DIRAS1: variants seen among roughly 807,000 people sequenced by gnomAD.
DIRAS1 encodes DIRAS family GTPase 1.
A neutral mutation model predicts 11.5 loss-of-function variants in DIRAS1; 3 were observed. The ratio of observed to expected loss-of-function variants is 0.26; its 90% CI spans 0.12 to 0.67. The LOEUF (loss-of-function observed/expected upper bound fraction) is 0.67. Ranked by LOEUF, DIRAS1 falls within the 30% of genes least tolerant of loss-of-function variation. DIRAS1 has a pLI of 0.80. For missense variants in DIRAS1, 212 were observed against 285.3 expected (o/e 0.74, Z 1.85); for synonymous variants, 128 against 125.8 (o/e 1.02, Z -0.12).
intron 1 of DIRAS1, among the ~76,000 whole-genome samples, chr19:2,719,730 A>G (rs1423927019): frequency 6.6e-6 from 1 of 152,028 alleles, no homozygotes; most frequent in Non-Finnish European, 1.5e-5. Context: ...TTTGAACCTA[A>G]ACAGGCAAAT....
chr19:2,719,226 C>G (rs1486911856), intron 1 of DIRAS1: 1 of 152,154 alleles, frequency 6.6e-6, no homozygotes, highest in Non-Finnish European at 1.5e-5. Context: ...TTCCCAATAG[C>G]CGCCCCAGGG....
In DIRAS1 at chr19:2,717,078, T is replaced by C; in HGVS notation, c.*132A>G. On this transcript the variant is annotated 3_prime_UTR_variant, in exon 2 of 2. Transcript: ENST00000323469. ...GCAGGGGCAGCGGAGGGGGGGGCGGTGGCCTCGGTTTCCCCAGCCGAGGTG... is the reference window on the plus strand; with the variant it reads ...GCAGGGGCAGCGGAGGGGGGGGCGGCGGCCTCGGTTTCCCCAGCCGAGGTG... 2 of 914,722 alleles carry C rather than the reference T, an allele frequency of 2.2e-6. No individual in the cohort carries two copies. The highest frequency in any genetic ancestry group is 2.8e-5 in the East Asian group (1 of 35,782). The allele number at this position is 914,722 out of a possible 1,614,324, so 56.7% of individuals were successfully genotyped here. A position where few individuals can be genotyped will look rare whatever the true frequency, so the allele number is the denominator to read the frequency against.
At chr19:2,717,926 C>G in intron 1 of DIRAS1, 51 bp from the exon 2 acceptor site, 2 of 1,040,776 alleles carry the variant, frequency 1.9e-6, no homozygotes, top group South Asian at 3.2e-5. Flanking sequence ...CTTGAGGGGA[C>G]AGCCCCACGC....
Position 2,717,814 on chromosome 19 carries a change from GC to G in DIRAS1, c.-9del. 2 of 1,585,676 alleles carry G rather than the reference GC, an allele frequency of 1.3e-6. No individual in the cohort carries two copies. Among genetic ancestry groups the G allele is most frequent in the South Asian group, 2.2e-5 (2 of 90,304 alleles). On this transcript the variant is annotated 5_prime_UTR_variant, in exon 2 of 2. Coordinates refer to ENST00000323469, the MANE Select transcript of DIRAS1 (RefSeq NM_145173.4). Reference sequence around the variant, plus strand: ...GTTACTCTGTTCCGGCATCTTCCCCGCGGCGGGTGGGCGGCCGGGGCCGGGA... The same window carrying G: ...GTTACTCTGTTCCGGCATCTTCCCCGGGCGGGTGGGCGGCCGGGGCCGGGA...
At position 2,718,422 on chromosome 19, in the gene DIRAS1, G is replaced by A. The variant is rs1017098706; in HGVS notation, c.-69-547C>T. Among the ~76,000 whole-genome samples, 3 of 152,244 alleles carry A rather than the reference G, an allele frequency of 2.0e-5. No individual in the cohort carries two copies. The highest frequency in any genetic ancestry group is 4.4e-5 in the Non-Finnish European group (3 of 68,040). Reference sequence around the variant, plus strand: ...CCAATCCTCATGGAAGCCGCACATGGTCGGGTGTTTAAGATGCATATGTCA... The same window carrying A: ...CCAATCCTCATGGAAGCCGCACATGATCGGGTGTTTAAGATGCATATGTCA... On this transcript the variant is annotated intron_variant, in intron 1 of 1. Transcript: ENST00000323469. This position sits in a 1 kb window ranked among gnomAD's most constrained non-coding sequence, Gnocchi z 4.2.
At position 2,715,838 on chromosome 19, in the gene DIRAS1, C is replaced by G. The variant is rs563673126; in HGVS notation, c.*1372G>C. Reference sequence around the variant, plus strand: ...GCTCTCAGATAAACCATATCACCCACTCCCCAAAATATAGTCATGCTCATA... The same window carrying G: ...GCTCTCAGATAAACCATATCACCCAGTCCCCAAAATATAGTCATGCTCATA... On this transcript the variant is annotated 3_prime_UTR_variant, in exon 2 of 2. Transcript: ENST00000323469. The G allele has an allele frequency of 6.6e-6, 1 of 152,340 alleles. No homozygotes were observed. Among genetic ancestry groups the G allele is most frequent in the East Asian group, 1.9e-4 (1 of 5,188 alleles). The allele number at this position is 152,340 out of a possible 1,614,324, so 9.4% of individuals were successfully genotyped here. A position where few individuals can be genotyped will look rare whatever the true frequency, so the allele number is the denominator to read the frequency against.
chr19:2,715,374 C>T lies in DIRAS1; in HGVS notation c.*1836G>A, dbSNP rs1169622268. ...CCCTCACTAACTTAGCTGCCATGCTCCGAGCCCCGCTGTGGAGAGACCCAC... is the reference window on the plus strand; with the variant it reads ...CCCTCACTAACTTAGCTGCCATGCTTCGAGCCCCGCTGTGGAGAGACCCAC... On this transcript the variant is annotated 3_prime_UTR_variant, in exon 2 of 2. Coordinates refer to ENST00000323469, the MANE Select transcript of DIRAS1 (RefSeq NM_145173.4). The T allele has an allele frequency of 6.6e-6, 1 of 152,244 alleles. No homozygotes were observed. The highest frequency in any genetic ancestry group is 1.9e-4 in the East Asian group (1 of 5,198). The allele number at this position is 152,244 out of a possible 1,614,324, so 9.4% of individuals were successfully genotyped here.
rs1913817523 is a variant in DIRAS1 at position 2,716,895 on chromosome 19, G to C, written c.*315C>G. The C allele has an allele frequency of 2.8e-6, 1 of 353,172 alleles. No individual in the cohort carries two copies. Among genetic ancestry groups the C allele is most frequent in the Non-Finnish European group, 5.1e-6 (1 of 195,146 alleles). 21.9% of individuals were successfully genotyped at this position (353,172 alleles called of 1,614,324 possible). A position where few individuals can be genotyped will look rare whatever the true frequency, so the allele number is the denominator to read the frequency against. On this transcript the variant is annotated 3_prime_UTR_variant, in exon 2 of 2. Coordinates refer to ENST00000323469, the MANE Select transcript of DIRAS1 (RefSeq NM_145173.4). ...AAACGCAGCCTCCTCTGGTCCTGGT[G>C]GGAACAAGCAGCTCCTCTTGCCAGC...
rs775077221 is a variant in DIRAS1, at chr19:2,717,818, CG to C, written c.-13del. The C allele has an allele frequency of 3.2e-4, 502 of 1,579,016 alleles. No individual in the cohort carries two copies. In the Middle Eastern group the frequency reaches 5.3e-3, roughly 17 times the overall value. Reference sequence around the variant, plus strand: ...CTCTGTTCCGGCATCTTCCCCGCGGCGGGTGGGCGGCCGGGGCCGGGAGGGC... The same window carrying C: ...CTCTGTTCCGGCATCTTCCCCGCGGCGGTGGGCGGCCGGGGCCGGGAGGGC... On this transcript the variant is annotated 5_prime_UTR_variant, in exon 2 of 2. Coordinates refer to ENST00000323469, the MANE Select transcript of DIRAS1 (RefSeq NM_145173.4).
intron 1 of DIRAS1, among the ~76,000 whole-genome samples, chr19:2,720,783 G>A (rs1490449529): frequency 6.6e-6 from 1 of 152,038 alleles, no homozygotes; most frequent in African/African-American, 2.4e-5. Context: ...AGGGCCGCCT[G>A]GCCGGTGAGG....
chr19:2,720,849 C>T (rs1913936317), intron 1 of DIRAS1, among the ~76,000 whole-genome samples: 1 of 151,948 alleles, frequency 6.6e-6, no homozygotes, highest in South Asian at 2.1e-4. Context: ...AGGCACAGTG[C>T]GGGGCCAGCC....
chr19:2,720,655 T>G (rs1913931071), intron 1 of DIRAS1, among the ~76,000 whole-genome samples: 3 of 150,536 alleles, frequency 2.0e-5, no homozygotes, highest in South Asian at 2.1e-4. Flanking sequence ...GGGCACGGCG[T>G]GGTTGGTGGG....
chr19:2,715,057 CCCG>C lies in DIRAS1; in HGVS notation c.*2150_*2152del, dbSNP rs1177731030. On this transcript the variant is annotated 3_prime_UTR_variant, in exon 2 of 2. Coordinates refer to ENST00000323469, the MANE Select transcript of DIRAS1 (RefSeq NM_145173.4). Reference sequence around the variant, plus strand: ...GACACAATGCCAGCTCTTCTGGGAGCCCGGTCCACGTGCTGGATAGCAACACAC... The same window carrying C: ...GACACAATGCCAGCTCTTCTGGGAGCGTCCACGTGCTGGATAGCAACACAC... The C allele has an allele frequency of 1.3e-5, 2 of 152,416 alleles. No individual in the cohort carries two copies. The highest frequency in any genetic ancestry group is 1.3e-4 in the Admixed American group (2 of 15,286). The allele number at this position is 152,416 out of a possible 1,614,324, so 9.4% of individuals were successfully genotyped here.
rs1326026058 is a variant in DIRAS1, at chr19:2,717,301, G to A, written c.506C>T (p.Thr169Met). The part of the protein sequence containing the change: ...ELFQELLTLE[T>M]RRNMSLNIDG... ...GATGTTGAGGCTCATGTTCCGGCGC[G>A]TCTCCAGCGTCAGCAGCTCCTGGAA... is the stretch of plus-strand genomic sequence containing the variant. Residue 169 changes from threonine (T) to methionine (M), a missense_variant, in exon 2 of 2, where the codon ACG becomes ATG. Physicochemically the swap from Thr to Met is moderately conservative, Grantham distance 81 (BLOSUM62 -1). Coordinates refer to ENST00000323469, the MANE Select transcript of DIRAS1 (RefSeq NM_145173.4). The A allele has an allele frequency of 1.2e-6, 2 of 1,612,320 alleles. No homozygotes were observed. Among genetic ancestry groups the A allele is most frequent in the South Asian group, 1.1e-5 (1 of 91,086 alleles).
intron 1 of DIRAS1, among the ~76,000 whole-genome samples, chr19:2,719,500 A>C (rs1406255398): frequency 3.0e-5 from 4 of 133,750 alleles, no homozygotes; most frequent in African/African-American, 1.1e-4. Context: ...AGGTGGGGGA[A>C]GAACGCTGGG....
chr19:2,718,926 T>G lies in DIRAS1; in HGVS notation c.-69-1051A>C, dbSNP rs935794045. Among the ~76,000 whole-genome samples, 3 of 152,050 alleles carry G rather than the reference T, an allele frequency of 2.0e-5. No individual in the cohort carries two copies. The highest frequency in any genetic ancestry group is 4.8e-5 in the African/African-American group (2 of 41,406). ...ACCTCTGCCTCCTCGGTTCAAGCAA[T>G]TCTCCTGCCTCAGCCTCCAGAGTAG... On this transcript the variant is annotated intron_variant, in intron 1 of 1. Transcript: ENST00000323469. This position sits in a 1 kb window ranked among gnomAD's most constrained non-coding sequence, Gnocchi z 4.2.
rs201090486 is a variant in DIRAS1, at chr19:2,717,425, G to T, written c.382C>A (p.Arg128=). 3.7e-6 allele frequency: 6 copies of T among 1,608,232 alleles called. No homozygotes were observed. In the South Asian group the frequency reaches 6.6e-5, roughly 18 times the overall value. Residue 128 remains arginine, a synonymous_variant, in exon 2 of 2, where the codon CGG becomes AGG. Transcript: ENST00000323469. ...TGCGCCTCGCGCGTGTCCACCTCCC[G>T]CTGCGTCTCATCGCACTTGTTGCCC... The part of the protein sequence containing the change: ...LVGNKCDETQ[R]EVDTREAQAV...
chr19:2,716,903 G>A lies in DIRAS1; in HGVS notation c.*307C>T. 2 of 371,190 alleles carry A rather than the reference G, an allele frequency of 5.4e-6. No individual in the cohort carries two copies. Among genetic ancestry groups the A allele is most frequent in the Non-Finnish European group, 9.7e-6 (2 of 206,358 alleles). 23.0% of individuals were successfully genotyped at this position (371,190 alleles called of 1,614,324 possible). On this transcript the variant is annotated 3_prime_UTR_variant, in exon 2 of 2. Coordinates refer to ENST00000323469, the MANE Select transcript of DIRAS1 (RefSeq NM_145173.4). The stretch of plus-strand genomic sequence containing the variant: ...CCTCCTCTGGTCCTGGTGGGAACAA[G>A]CAGCTCCTCTTGCCAGCTCCCCATC...
rs375194072 is a variant in DIRAS1, at chr19:2,717,813, C to T, written c.-7G>A. ...CGTTACTCTGTTCCGGCATCTTCCC[C>T]GCGGCGGGTGGGCGGCCGGGGCCGG... On this transcript the variant is annotated 5_prime_UTR_variant, in exon 2 of 2. Transcript: ENST00000323469. The T allele has an allele frequency of 4.5e-5, 72 of 1,586,402 alleles. No homozygotes were observed. In the African/African-American group the frequency reaches 9.0e-4, roughly 20 times the overall value.
Sources: allele counts gnomAD v4.1 joint callset (sites outside exome capture counted in the v4.1 genomes callset), GRCh38; gene constraint gnomAD v4.1.1; non-coding constraint Gnocchi (gnomAD v3.1); transcripts MANE v1.5; gene names NCBI Gene and HGNC (gene_info 2026-07-23, HGNC 2026-07-21).